HNRNPUL1: variants seen among roughly 807,000 people sequenced by gnomAD.
HNRNPUL1 encodes the protein heterogeneous nuclear ribonucleoprotein U-like protein 1.
A neutral mutation model predicts 108.5 loss-of-function variants in HNRNPUL1; 14 were observed. The ratio of observed to expected loss-of-function variants is 0.13; its 90% CI spans 0.09 to 0.20. The LOEUF (loss-of-function observed/expected upper bound fraction) is 0.20, where lower values mean the gene tolerates loss of function less well. HNRNPUL1 is among the 10% of genes least tolerant of loss of function. The pLI is 1.00. For synonymous variants in HNRNPUL1, 422 were observed against 445.2 expected, an observed-to-expected ratio of 0.95 and a Z score of 0.66; for missense variants, 804 against 1,168.3, an observed-to-expected ratio of 0.69 and a Z score of 4.55.
chr19:41,269,480 G>GAAAAAA (rs35932282), intron 2 of HNRNPUL1, among the ~76,000 whole-genome samples: 1 of 48,198 alleles, frequency 2.1e-5, no homozygotes. Context: ...ACCCTGTCAC[G>GAAAAAA]AAAAAAAAAA....
Position 41,272,137 on chromosome 19 carries a change from T to C in HNRNPUL1, c.474T>C (p.Ala158=). Residue 158 remains alanine, a synonymous_variant, in exon 3 of 15, where the codon GCT becomes GCC. Coordinates refer to ENST00000392006, the MANE Select transcript of HNRNPUL1 (RefSeq NM_007040.6). ...GAPTSFLPPE[A]SQLKPDRQQF... ...CCACCAGCTTCCTCCCGCCTGAAGC[T>C]TCTCAACTCAAGCCAGACAGGCAGC... 6.2e-7 allele frequency: 1 copy of C among 1,614,038 alleles called. No homozygotes were observed. Among genetic ancestry groups the C allele is most frequent in the African/African-American group, 1.3e-5 (1 of 75,000 alleles).
At position 41,294,274 on chromosome 19, in the gene HNRNPUL1, C is replaced by G; in HGVS notation, c.1267-64C>G. 2 of 1,589,892 alleles carry G rather than the reference C, an allele frequency of 1.3e-6. No individual in the cohort carries two copies. The highest frequency in any genetic ancestry group is 8.6e-7 in the Non-Finnish European group (1 of 1,164,304). ...AGAGGTCCAGAGTCACACTCACAGT[C>G]ACCACCGAGCCAAGTGGTGCCATAC... On this transcript the variant is annotated intron_variant, in intron 8 of 14. Transcript: ENST00000392006. The surrounding 1 kb of genome is among the most constrained non-coding windows in gnomAD (Gnocchi z 4.3).
intron 8 of HNRNPUL1, among the ~76,000 whole-genome samples, chr19:41,293,503 C>A (rs770450868): frequency 6.6e-6 from 1 of 152,220 alleles, no homozygotes; most frequent in Admixed American, 6.5e-5. Context: ...GCCACTCCCC[C>A]CTAGTCGGGC....
intron 2 of HNRNPUL1, 142 bp from the exon 3 acceptor site, chr19:41,271,940 G>T: frequency 1.1e-6 from 1 of 885,908 alleles, no homozygotes; most frequent in South Asian, 1.8e-5. Flanking sequence ...GGCTTCTGTT[G>T]AACTCAGCAA....
intron 11 of HNRNPUL1, among the ~76,000 whole-genome samples, chr19:41,302,222 T>G (rs1294508566): frequency 6.9e-6 from 1 of 144,930 alleles, no homozygotes; most frequent in Non-Finnish European, 1.5e-5. Context: ...CTGTTTTTTT[T>G]TTTTTTTTTT....
At chr19:41,263,662 ATC>A (rs1016217805), upstream of HNRNPUL1, among the ~76,000 whole-genome samples, 6 of 152,216 alleles carry the variant, frequency 3.9e-5, no homozygotes, top group African/African-American at 1.4e-4. Flanking sequence ...CGAACTGTGT[ATC>A]CACTTAATCT....
At chr19:41,271,177 T>G (rs1264161299) in intron 2 of HNRNPUL1, among the ~76,000 whole-genome samples, 1 of 152,194 alleles carries the variant, frequency 6.6e-6, no homozygotes, top group African/African-American at 2.4e-5. Context: ...ATCCACAAAG[T>G]TAAATCCCCA....
Position 41,305,718 on chromosome 19 carries a change from C to G in HNRNPUL1, c.2305C>G (p.Gln769Glu). The G allele has an allele frequency of 6.2e-7, 1 of 1,614,152 alleles. No homozygotes were observed. The highest frequency in any genetic ancestry group is 1.1e-5 in the South Asian group (1 of 91,092). The part of the protein sequence containing the change: ...QPPYNQGGYS[Q>E]GYTAPPPPPP... ...ACCCTACAACCAGGGAGGTTACAGC[C>G]AGGGCTACACAGCCCCACCGCCTCC... Residue 769 changes from glutamine (Q) to glutamate (E), a missense_variant, in exon 14 of 15, where the codon CAG (glutamine) becomes GAG (glutamate). Gln to Glu is a conservative substitution (Grantham distance 29). This residue lies in a region of HNRNPUL1 where 294 missense variants were observed against 388.3 expected (regional missense o/e 0.76). Coordinates refer to ENST00000392006, the MANE Select transcript of HNRNPUL1 (RefSeq NM_007040.6).
chr19:41,280,477 C>T (rs1267397337), intron 6 of HNRNPUL1, among the ~76,000 whole-genome samples: 5 of 152,056 alleles, frequency 3.3e-5, no homozygotes, highest in African/African-American at 7.2e-5. Context: ...TCTCTGTCTC[C>T]GTTTTGAGAT....
At position 41,290,437 on chromosome 19, in the gene HNRNPUL1, A is replaced by G. The variant is rs575619720; in HGVS notation, c.1000-1808A>G. Among the ~76,000 whole-genome samples, 46 of 152,206 alleles carry G rather than the reference A, an allele frequency of 3.0e-4. 1 individual carries two copies. Among genetic ancestry groups the G allele is most frequent in the African/African-American group, 1.1e-3 (44 of 41,536 alleles). On this transcript the variant is annotated intron_variant, in intron 7 of 14. Coordinates refer to ENST00000392006, the MANE Select transcript of HNRNPUL1 (RefSeq NM_007040.6). ...CTCCTCTATTCAAAATAAGTCAGAC[A>G]CTCTGCTCTGCCACCAGCATCAAGT...
intron 7 of HNRNPUL1, among the ~76,000 whole-genome samples, chr19:41,289,734 GAGA>G (rs2036471993): frequency 6.7e-5 from 3 of 44,990 alleles, no homozygotes; most frequent in East Asian, 1.7e-3. Context: ...TTTTTTTTTT[GAGA>G]AGGAGTCTTG....
chr19:41,275,034 C>T (rs1343293901), intron 4 of HNRNPUL1, among the ~76,000 whole-genome samples: 2 of 151,976 alleles, frequency 1.3e-5, no homozygotes, highest in South Asian at 2.1e-4. Context: ...TTCTTGGAGG[C>T]GTGACTGGCT....
At chr19:41,287,255 C>T (rs1417197132) in intron 7 of HNRNPUL1, among the ~76,000 whole-genome samples, 1 of 152,082 alleles carries the variant, frequency 6.6e-6, no homozygotes, top group Non-Finnish European at 1.5e-5. Context: ...ACTTCGTGAT[C>T]CGCCCACCTC....
chr19:41,268,744 GCT>G (rs2035019150), intron 2 of HNRNPUL1, among the ~76,000 whole-genome samples: 1 of 152,036 alleles, frequency 6.6e-6, no homozygotes, highest in Admixed American at 6.5e-5. Context: ...TGTAATCCCA[GCT>G]ACTTGGGAGG....
Position 41,281,293 on chromosome 19 carries a change from G to A in HNRNPUL1, c.999+18G>A, listed in dbSNP as rs777331612. On this transcript the variant is annotated intron_variant, in intron 7 of 14. Coordinates refer to ENST00000392006, the MANE Select transcript of HNRNPUL1 (RefSeq NM_007040.6). Reference sequence around the variant, plus strand: ...GCTTTGCGGTGAGTGCTAGCAGCCTGTGGGAGTTGGCAGAACCAGATGTTG... The same window carrying A: ...GCTTTGCGGTGAGTGCTAGCAGCCTATGGGAGTTGGCAGAACCAGATGTTG... 2 of 1,551,656 alleles carry A rather than the reference G, an allele frequency of 1.3e-6. No homozygotes were observed. Among genetic ancestry groups the A allele is most frequent in the Non-Finnish European group, 1.8e-6 (2 of 1,123,364 alleles).
rs1456470638 is a variant in HNRNPUL1 at position 41,305,552 on chromosome 19, C to T, written c.2263-124C>T. ...CTTCTCAGCCCACAAACAATGTCCA[C>T]TAGGCAAGGGAAGGGCCCCTGTGGG... On this transcript the variant is annotated intron_variant, in intron 13 of 14. Transcript: ENST00000392006. 6.8e-6 allele frequency: 8 copies of T among 1,183,494 alleles called. No individual in the cohort carries two copies. The African/African-American group carries it at 7.5e-5, about 11-fold the overall frequency. The allele number at this position is 1,183,494 out of a possible 1,614,324, so 73.3% of individuals were successfully genotyped here.
At chr19:41,268,696 A>G (rs1261219932) in intron 2 of HNRNPUL1, among the ~76,000 whole-genome samples, 1 of 152,016 alleles carries the variant, frequency 6.6e-6, no homozygotes, top group African/African-American at 2.4e-5. Flanking sequence ...CGTCTCTACT[A>G]AAAATACAAA....
chr19:41,296,900 A>C (rs2036925934), intron 10 of HNRNPUL1, among the ~76,000 whole-genome samples: 1 of 152,134 alleles, frequency 6.6e-6, no homozygotes, highest in South Asian at 2.1e-4. Context: ...GCCTCCTGTT[A>C]TGTAGGTTGG....
intron 2 of HNRNPUL1, among the ~76,000 whole-genome samples, chr19:41,268,640 C>A (rs186092528): frequency 6.6e-6 from 1 of 151,902 alleles, no homozygotes; most frequent in Non-Finnish European, 1.5e-5. Context: ...AGGTGGATCA[C>A]CTGAGGTCTG....
Sources: allele counts gnomAD v4.1 joint callset (sites outside exome capture counted in the v4.1 genomes callset), GRCh38; gene constraint gnomAD v4.1.1; regional missense constraint gnomAD v4.1.1; non-coding constraint Gnocchi (gnomAD v3.1); transcripts MANE v1.5; gene names NCBI Gene and HGNC (gene_info 2026-07-23, HGNC 2026-07-21).